Variants in ANK2 observed in about 807,000 individuals in gnomAD.
ANK2 encodes ankyrin 2, also known as ankyrin-2.
Under a neutral mutation model 360.5 loss-of-function variants are expected in ANK2, and 83 were observed. The ratio of observed to expected loss-of-function variants is 0.23; its 90% CI spans 0.19 to 0.28. The LOEUF is 0.28. Among genes scored for constraint, ANK2 ranks in the 10% least tolerant of loss-of-function variants. The pLI, the probability that ANK2 is intolerant of heterozygous loss-of-function variation, is 1.00. For missense variants in ANK2, 4,201 were observed against 4,795.7 expected, an observed-to-expected ratio of 0.88 and a Z score of 3.66; for synonymous variants, 1,740 against 1,759.5, an observed-to-expected ratio of 0.99 and a Z score of 0.28.
chr4:113,163,289 A>C (rs2097604503), intron 1 of ANK2, among the ~76,000 whole-genome samples: 1 of 152,100 alleles, frequency 6.6e-6, no homozygotes, highest in Admixed American at 6.6e-5. Flanking sequence ...CACCATTTGC[A>C]CTCAGTGTCC....
chr4:113,261,265 A>T (rs1277274987), intron 13 of ANK2, among the ~76,000 whole-genome samples: 1 of 152,148 alleles, frequency 6.6e-6, no homozygotes, highest in Non-Finnish European at 1.5e-5. Flanking sequence ...ACTGCCAATT[A>T]CAACACATCC....
chr4:113,049,822 C>A lies in ANK2; in HGVS notation c.84+10C>A. On this transcript the variant is annotated intron_variant, in intron 1 of 45. Coordinates refer to ENST00000357077, the MANE Select transcript of ANK2 (RefSeq NM_001148.6). ...AAAAAGACCCAAGAAGGTAAATCGC[C>A]GGAATTAGGAATGTCTGTGTATAAA... The A allele has an allele frequency of 6.2e-7, 1 of 1,613,106 alleles. No individual in the cohort carries two copies. Among genetic ancestry groups the A allele is most frequent in the South Asian group, 1.1e-5 (1 of 91,008 alleles).
rs751478113 is a variant in ANK2, at chr4:113,249,802, G to A, written c.930G>A (p.Gly310=). 6.2e-7 allele frequency: 1 copy of A among 1,614,160 alleles called. No homozygotes were observed. Among genetic ancestry groups the A allele is most frequent in the South Asian group, 1.1e-5 (1 of 91,042 alleles). The stretch of plus-strand genomic sequence containing the variant: ...CACTTCACTGTGCTGCACGAAGTGG[G>A]CATGACCAAGTGGTGGAACTTCTGT... ...LTPLHCAARS[G]HDQVVELLLE... Residue 310 remains glycine (G), a synonymous_variant, in exon 10 of 46, where the codon GGG becomes GGA. Coordinates refer to ENST00000357077, the MANE Select transcript of ANK2 (RefSeq NM_001148.6).
At chr4:112,882,023 A>T (rs2076830374) in intron 1 of ANK2, 1 of 494,066 alleles carries the variant, frequency 2.0e-6, no homozygotes, top group South Asian at 2.2e-5. Flanking sequence ...CTTACCACAC[A>T]ATCTGTGAGC....
At chr4:113,171,582 A>G (rs942065871) in intron 1 of ANK2, among the ~76,000 whole-genome samples, 5 of 152,198 alleles carry the variant, frequency 3.3e-5, no homozygotes, top group Admixed American at 1.3e-4. Context: ...AACTTACCCA[A>G]AAGTCTCCTA....
intron 2 of ANK2, among the ~76,000 whole-genome samples, chr4:112,957,531 A>G (rs900374731): frequency 6.6e-6 from 1 of 152,014 alleles, no homozygotes; most frequent in African/African-American, 2.4e-5. Context: ...GCTGTTGGGT[A>G]CACCTCCCAG....
the ANK2 span, among the ~76,000 whole-genome samples, chr4:112,758,651 G>A: frequency 2.6e-5 from 4 of 152,112 alleles, no homozygotes; most frequent in Non-Finnish European, 2.9e-5. Context: ...CTGACCTCAC[G>A]TGATCTGCCC....
chr4:112,880,511 G>A (rs1336113101), intron 1 of ANK2: 4 of 152,124 alleles, frequency 2.6e-5, no homozygotes, highest in Non-Finnish European at 5.9e-5. Flanking sequence ...GATCAGCTGA[G>A]GTATGTCAAG....
intron 1 of ANK2, among the ~76,000 whole-genome samples, chr4:113,130,146 T>C (rs923407139): frequency 6.6e-6 from 1 of 152,164 alleles, no homozygotes; most frequent in East Asian, 1.9e-4. Context: ...GAAAACTAAC[T>C]TTGTCTTTTA....
intron 1 of ANK2, among the ~76,000 whole-genome samples, chr4:112,868,987 G>T (rs1404117213): frequency 1.3e-5 from 2 of 151,638 alleles, no homozygotes; most frequent in South Asian, 2.1e-4. Flanking sequence ...TTGAGACAGG[G>T]TCTCACTCTG....
intron 18 of ANK2, among the ~76,000 whole-genome samples, chr4:113,284,864 C>A (rs1270693588): frequency 1.3e-5 from 2 of 152,108 alleles, no homozygotes; most frequent in African/African-American, 4.8e-5. Context: ...CTCAGATAAG[C>A]AGCAAAACTG....
intron 2 of ANK2, among the ~76,000 whole-genome samples, chr4:113,192,563 C>T (rs962266482): frequency 2.0e-5 from 3 of 152,086 alleles, no homozygotes; most frequent in Non-Finnish European, 2.9e-5. Flanking sequence ...AATAAAAAAG[C>T]ATGGGTCTGG....
intron 1 of ANK2, chr4:113,141,557 AG>A: frequency 6.6e-6 from 1 of 152,342 alleles, no homozygotes; most frequent in East Asian, 1.9e-4. Flanking sequence ...AGGTTACAAA[AG>A]TCCACACAGA....
intron 2 of ANK2, among the ~76,000 whole-genome samples, chr4:113,008,047 C>T (rs1027860673): frequency 2.6e-5 from 4 of 151,606 alleles, no homozygotes; most frequent in African/African-American, 4.8e-5. Context: ...TTAATTCTTA[C>T]ATTTTACAGT....
rs895781861 is a variant in ANK2 at position 113,354,288 on chromosome 4, C to T, written c.5670C>T (p.His1890=). 1 of 1,614,106 alleles carries T rather than the reference C, an allele frequency of 6.2e-7. No homozygotes were observed. The highest frequency in any genetic ancestry group is 1.3e-5 in the African/African-American group (1 of 75,022). ...CACCCTCGACAAAAACTGAAAGGCA[C>T]TCTCCTGTGTCATCTACAAAAACAG... ...PVSPSTKTER[H]SPVSSTKTER... The change falls in exon 38 of 46, where the codon CAC becomes CAT. Residue 1890 remains histidine, a synonymous_variant. Transcript: ENST00000357077.
chr4:112,969,834 A>G (rs2038788753), intron 2 of ANK2, among the ~76,000 whole-genome samples: 2 of 152,176 alleles, frequency 1.3e-5, no homozygotes, highest in African/African-American at 2.4e-5. Context: ...ATATTTTCTC[A>G]TATGTAAGCT....
At chr4:112,776,660 C>T in the ANK2 span, among the ~76,000 whole-genome samples, 10 of 152,324 alleles carry the variant, frequency 6.6e-5, no homozygotes, top group Non-Finnish European at 1.3e-4. Flanking sequence ...TATTCCACTA[C>T]TCTTCAATAC....
At chr4:113,094,238 G>A (rs924850281) in intron 1 of ANK2, among the ~76,000 whole-genome samples, 2 of 152,064 alleles carry the variant, frequency 1.3e-5, no homozygotes, top group Non-Finnish European at 2.9e-5. Flanking sequence ...AGTGCTTTGT[G>A]ATGTTTTTTA....
At chr4:113,075,461 A>G (rs1310559394) in intron 1 of ANK2, among the ~76,000 whole-genome samples, 1 of 152,098 alleles carries the variant, frequency 6.6e-6, no homozygotes, top group East Asian at 1.9e-4. Flanking sequence ...GTGCTTTTCA[A>G]AAAGATGTCC....
Sources: gnomAD v4.1 joint callset for allele counts (sites outside exome capture counted in the v4.1 genomes callset) on GRCh38, gnomAD v4.1.1 for gene constraint, MANE v1.5 for transcripts, NCBI Gene and HGNC (gene_info 2026-07-23, HGNC 2026-07-21) for gene names.